Variants in KBTBD3 observed in about 807,000 individuals in gnomAD.
The protein encoded by KBTBD3 is kelch repeat and BTB domain containing 3, also known as kelch repeat and BTB domain-containing protein 3.
A neutral mutation model predicts 49.6 loss-of-function variants in KBTBD3; 38 were observed. That is an observed-to-expected ratio of 0.77 (90% CI 0.59 to 1.00). The LOEUF (loss-of-function observed/expected upper bound fraction) is 1.00. Ranked by LOEUF, KBTBD3 falls within the 50% of genes least tolerant of loss-of-function variation. The pLI is 0.00. For missense variants in KBTBD3, 661 were observed against 712.0 expected (o/e 0.93, Z 0.81); for synonymous variants, 214 against 250.4 (o/e 0.85, Z 1.37).
At chr11:106,057,113 A>G (rs1860568467) in intron 3 of KBTBD3, among the ~76,000 whole-genome samples, 1 of 152,160 alleles carries the variant, frequency 6.6e-6, no homozygotes. Context: ...ATTGCTCCCA[A>G]TTTCAAAGCA....
At chr11:106,077,072 G>A (rs1304299712) in intron 1 of KBTBD3, among the ~76,000 whole-genome samples, 1 of 152,176 alleles carries the variant, frequency 6.6e-6, no homozygotes, top group South Asian at 2.1e-4. Flanking sequence ...CTGTGTGAGG[G>A]TGGGTCTTAG....
chr11:106,065,749 T>A (rs2135014456), intron 2 of KBTBD3, among the ~76,000 whole-genome samples: 1 of 152,064 alleles, frequency 6.6e-6, no homozygotes, highest in Non-Finnish European at 1.5e-5. Flanking sequence ...TCACCAGAGA[T>A]CAGGAGTTCA....
chr11:106,071,306 T>C lies in KBTBD3; in HGVS notation c.-13+5201A>G, dbSNP rs1860913707. Among the ~76,000 whole-genome samples, 4 of 152,124 alleles carry C rather than the reference T, an allele frequency of 2.6e-5. No individual in the cohort carries two copies. The South Asian group carries it at 6.2e-4, about 24-fold the overall frequency. ...AAAACTGTATTTCTGCATAGTGGCATAGGTCCTGAGAATATCAATTTTTAA... is the reference window on the plus strand; with the variant it reads ...AAAACTGTATTTCTGCATAGTGGCACAGGTCCTGAGAATATCAATTTTTAA... On this transcript the variant is annotated intron_variant, in intron 2 of 3. Transcript: ENST00000531837.
intron 3 of KBTBD3, chr11:106,057,989 G>A (rs1035852557): frequency 7.5e-6 from 3 of 398,244 alleles, no homozygotes; most frequent in African/African-American, 6.2e-5. Flanking sequence ...AATTTCTTCT[G>A]TCCCAGCGTA....
intron 3 of KBTBD3, among the ~76,000 whole-genome samples, chr11:106,056,742 T>C (rs1179679534): frequency 6.6e-6 from 1 of 152,200 alleles, no homozygotes; most frequent in Non-Finnish European, 1.5e-5. Context: ...TAATAAAACA[T>C]GTCTAGTAAA....
Position 106,066,780 on chromosome 11 carries a change from G to A in KBTBD3, c.-12-7671C>T, listed in dbSNP as rs569115815. 6.0e-5 allele frequency among the ~76,000 whole-genome samples: 9 copies of A among 148,860 alleles called. No homozygotes were observed. The South Asian group carries it at 1.5e-3, about 25-fold the overall frequency. On this transcript the variant is annotated intron_variant, in intron 2 of 3. Coordinates refer to ENST00000531837, the MANE Select transcript of KBTBD3 (RefSeq NM_198439.3). ...ACTCTGCTTCCAGTAAGGTTTAGAT[G>A]TATCTTTCCCTATTTCTCCTGCTAA...
intron 2 of KBTBD3, among the ~76,000 whole-genome samples, chr11:106,064,295 C>T (rs923950129): frequency 6.6e-6 from 1 of 152,010 alleles, no homozygotes; most frequent in African/African-American, 2.4e-5. Flanking sequence ...CCTGTAATCC[C>T]AGCACTTTAG....
At chr11:106,067,939 C>T (rs1173979888) in intron 2 of KBTBD3, among the ~76,000 whole-genome samples, 2 of 151,740 alleles carry the variant, frequency 1.3e-5, no homozygotes, top group Non-Finnish European at 2.9e-5. Flanking sequence ...AAAAGATATA[C>T]TATGCAAGCA....
intron 3 of KBTBD3, among the ~76,000 whole-genome samples, chr11:106,055,461 C>T (rs549946508): frequency 3.9e-5 from 6 of 152,120 alleles, no homozygotes; most frequent in Non-Finnish European, 8.8e-5. Flanking sequence ...CAACATCCAA[C>T]TGAAAAATAT....
In KBTBD3 at chr11:106,052,671, T is replaced by C; in HGVS notation, c.*179A>G. On this transcript the variant is annotated 3_prime_UTR_variant, in exon 4 of 4. Coordinates refer to ENST00000531837, the MANE Select transcript of KBTBD3 (RefSeq NM_198439.3). Reference sequence around the variant, plus strand: ...GGTTAAATTATATTCAGTATAATTTTTGGTAAAATATATTTTGTATTTTAA... The same window carrying C: ...GGTTAAATTATATTCAGTATAATTTCTGGTAAAATATATTTTGTATTTTAA... 1 of 529,906 alleles carries C rather than the reference T, an allele frequency of 1.9e-6. No individual in the cohort carries two copies. Among genetic ancestry groups the C allele is most frequent in the Non-Finnish European group, 3.3e-6 (1 of 305,298 alleles). The allele number at this position is 529,906 out of a possible 1,614,324, so 32.8% of individuals were successfully genotyped here. A position where few individuals can be genotyped will look rare whatever the true frequency, so the allele number is the denominator to read the frequency against.
chr11:106,074,972 G>A (rs547815837), intron 2 of KBTBD3, among the ~76,000 whole-genome samples: 19 of 152,170 alleles, frequency 1.2e-4, no homozygotes, highest in African/African-American at 4.6e-4. Flanking sequence ...AAGTTAGTGA[G>A]TATATCTAAA....
At chr11:106,071,846 G>T (rs1448892846) in intron 2 of KBTBD3, among the ~76,000 whole-genome samples, 1 of 152,046 alleles carries the variant, frequency 6.6e-6, no homozygotes, top group African/African-American at 2.4e-5. Flanking sequence ...AGACTTAAAT[G>T]ATACAATGAA....
intron 2 of KBTBD3, among the ~76,000 whole-genome samples, chr11:106,066,201 T>C (rs1860808215): frequency 6.6e-6 from 1 of 152,190 alleles, no homozygotes; most frequent in African/African-American, 2.4e-5. Context: ...AACAATACTA[T>C]ACAGCAAAAC....
At chr11:106,058,726 A>G in intron 3 of KBTBD3, 139 bp downstream of exon 3, 1 of 642,058 alleles carries the variant, frequency 1.6e-6, no homozygotes, top group Non-Finnish European at 2.6e-6. Context: ...GCCCAGCCTA[A>G]TTAGGTTTTG....
intron 2 of KBTBD3, among the ~76,000 whole-genome samples, chr11:106,074,847 A>G (rs1860997931): frequency 6.6e-6 from 1 of 152,228 alleles, no homozygotes; most frequent in Non-Finnish European, 1.5e-5. Context: ...GAGTCAAAGA[A>G]GAGCAGCATC....
At chr11:106,058,071 T>A (rs1375826077) in intron 3 of KBTBD3, 1 of 398,174 alleles carries the variant, frequency 2.5e-6, no homozygotes. Flanking sequence ...TAAAAAAAGG[T>A]AGTCTTAAAT....
At chr11:106,074,119 C>T (rs1037463356) in intron 2 of KBTBD3, among the ~76,000 whole-genome samples, 72 of 88,814 alleles carry the variant, frequency 8.1e-4, no homozygotes, top group South Asian at 2.5e-3. Flanking sequence ...AACACCCCCC[C>T]CCACACACAT....
intron 2 of KBTBD3, among the ~76,000 whole-genome samples, chr11:106,069,543 T>G (rs540638454): frequency 6.6e-6 from 1 of 151,066 alleles, no homozygotes; most frequent in East Asian, 1.9e-4. Flanking sequence ...TACTTACGTA[T>G]AAATCTAACA....
intron 3 of KBTBD3, chr11:106,057,383 C>A (rs1382229340): frequency 6.6e-6 from 1 of 152,062 alleles, no homozygotes; most frequent in Non-Finnish European, 1.5e-5. Flanking sequence ...CTGCTTAATT[C>A]AAATTAAAAT....
Sources: allele counts gnomAD v4.1 joint callset (sites outside exome capture counted in the v4.1 genomes callset), GRCh38; gene constraint gnomAD v4.1.1; transcripts MANE v1.5; gene names NCBI Gene and HGNC (gene_info 2026-07-23, HGNC 2026-07-21).